MAP2K6: variants seen among roughly 807,000 people sequenced by gnomAD.
MAP2K6 encodes the protein mitogen-activated protein kinase kinase 6.
A neutral mutation model predicts 53.7 loss-of-function variants in MAP2K6; 16 were observed. The ratio of observed to expected loss-of-function variants is 0.30; its 90% confidence interval spans 0.20 to 0.45. The LOEUF (loss-of-function observed/expected upper bound fraction) is 0.45, where lower values mean the gene tolerates loss of function less well. Among genes scored for constraint, MAP2K6 ranks in the 20% least tolerant of loss-of-function variants. The pLI is 1.00. For missense variants in MAP2K6, 204 were observed against 411.9 expected (o/e 0.50, Z 4.37); for synonymous variants, 132 against 143.1 (o/e 0.92, Z 0.55).
chr17:69,478,428 G>A (rs1327932870), intron 1 of MAP2K6, among the ~76,000 whole-genome samples: 1 of 152,118 alleles, frequency 6.6e-6, no homozygotes, highest in Non-Finnish European at 1.5e-5. Context: ...TCTCATTCAT[G>A]TTTTACTTTC....
At chr17:69,509,853 T>C (rs1012254873) in intron 2 of MAP2K6, among the ~76,000 whole-genome samples, 3 of 151,956 alleles carry the variant, frequency 2.0e-5, no homozygotes, top group Non-Finnish European at 4.4e-5. Context: ...TTTGTTTTTG[T>C]TTTTTTGAGA....
chr17:69,454,085 C>T (rs761163534), intron 1 of MAP2K6, among the ~76,000 whole-genome samples: 39 of 152,274 alleles, frequency 2.6e-4, no homozygotes, highest in Non-Finnish European at 4.6e-4. Context: ...TTCAGAAAAA[C>T]GTATTTCCTA....
At chr17:69,507,416 T>G (rs914477429) in intron 2 of MAP2K6, among the ~76,000 whole-genome samples, 12 of 152,116 alleles carry the variant, frequency 7.9e-5, no homozygotes, top group Admixed American at 7.9e-4. Flanking sequence ...ACTATTATAA[T>G]CAAGATACTT....
chr17:69,468,398 C>G (rs552727114), intron 1 of MAP2K6, among the ~76,000 whole-genome samples: 1 of 152,250 alleles, frequency 6.6e-6, no homozygotes, highest in African/African-American at 2.4e-5. Flanking sequence ...GAGCCAATTA[C>G]TCTTTTCAGG....
chr17:69,508,398 T>C (rs1909639075), intron 2 of MAP2K6, among the ~76,000 whole-genome samples: 1 of 152,166 alleles, frequency 6.6e-6, no homozygotes, highest in South Asian at 2.1e-4. Flanking sequence ...ATTTCTCTAG[T>C]GGCTAATAAT....
At chr17:69,525,724 C>G (rs1463854282) in intron 9 of MAP2K6, among the ~76,000 whole-genome samples, 1 of 152,142 alleles carries the variant, frequency 6.6e-6, no homozygotes, top group Non-Finnish European at 1.5e-5. Flanking sequence ...GGAACCACCC[C>G]CATGATTCAA....
In MAP2K6 at chr17:69,493,778, A is replaced by AT. The variant is rs1255926945; in HGVS notation, c.17-12002_17-12001insT. Reference sequence around the variant, plus strand: ...TCCATCTCAAGAAAAAAGAAAAAAAAAAATATATGTATACTCAGCTTCATT... The same window carrying AT: ...TCCATCTCAAGAAAAAAGAAAAAAAATAAATATATGTATACTCAGCTTCATT... On this transcript the variant is annotated intron_variant, in intron 1 of 11. Coordinates refer to ENST00000590474, the MANE Select transcript of MAP2K6 (RefSeq NM_002758.4). Among the ~76,000 whole-genome samples the AT allele has an allele frequency of 6.5e-3, 705 of 108,584 alleles. 6 individuals are homozygous for AT. The highest frequency in any genetic ancestry group is 0.02 in the African/African-American group (675 of 33,768). The allele number at this position is 108,584 out of a possible 152,430, so 71.2% of individuals were successfully genotyped here.
Position 69,415,008 on chromosome 17 carries a change from G to T in MAP2K6, c.16+8G>T, listed in dbSNP as rs1194844313. The T allele has an allele frequency of 6.5e-7, 1 of 1,549,304 alleles. No homozygotes were observed. The highest frequency in any genetic ancestry group is 8.9e-7 in the Non-Finnish European group (1 of 1,121,134). ...AAATGTCTCAGTCGAAAGGTAAGAG[G>T]CTGTTTGCATTAGTTGCAAAAATGC... On this transcript the variant is annotated splice_region_variant and intron_variant, in intron 1 of 11. Coordinates refer to ENST00000590474, the MANE Select transcript of MAP2K6 (RefSeq NM_002758.4).
Position 69,508,675 on chromosome 17 carries a change from A to G in MAP2K6, c.83+2829A>G, listed in dbSNP as rs566778385. ...TTATCAATTATTACTTTTACAGATC[A>G]TGCTTTTGATAATAAGTCTAAGAAC... On this transcript the variant is annotated intron_variant, in intron 2 of 11. Transcript: ENST00000590474. 3.9e-5 allele frequency among the ~76,000 whole-genome samples: 6 copies of G among 152,362 alleles called. No homozygotes were observed. In the South Asian group the frequency reaches 1.0e-3, roughly 26 times the overall value.
rs769245993 is a variant in MAP2K6 at position 69,483,018 on chromosome 17, A to G, written c.17-22762A>G. ...ATGAGGGCTTGGCAGGAGTCAAAGC[A>G]AAAATCAGAGGACATCTCCCATAGA... On this transcript the variant is annotated intron_variant, in intron 1 of 11. Coordinates refer to ENST00000590474, the MANE Select transcript of MAP2K6 (RefSeq NM_002758.4). 5.3e-5 allele frequency among the ~76,000 whole-genome samples: 8 copies of G among 152,128 alleles called. No homozygotes were observed. The Middle Eastern group carries it at 0.02, about 388-fold the overall frequency.
At chr17:69,487,983 C>T (rs1009377971) in intron 1 of MAP2K6, among the ~76,000 whole-genome samples, 2 of 152,162 alleles carry the variant, frequency 1.3e-5, no homozygotes, top group Non-Finnish European at 2.9e-5. Flanking sequence ...TAAAGAGCTT[C>T]TGTATAGCAA....
intron 1 of MAP2K6, among the ~76,000 whole-genome samples, chr17:69,503,395 G>A (rs906900292): frequency 3.3e-4 from 50 of 152,184 alleles, no homozygotes; most frequent in Middle Eastern, 3.2e-3. Context: ...AGCTCTATGC[G>A]ATGTCAATAA....
At chr17:69,447,450 AT>A (rs1050885785) in intron 1 of MAP2K6, among the ~76,000 whole-genome samples, 6 of 151,880 alleles carry the variant, frequency 4.0e-5, no homozygotes, top group African/African-American at 1.5e-4. Context: ...GGTTCAAGTG[AT>A]TCTCCAGCCT....
At chr17:69,455,334 G>A (rs1310115698) in intron 1 of MAP2K6, among the ~76,000 whole-genome samples, 1 of 152,164 alleles carries the variant, frequency 6.6e-6, no homozygotes, top group Non-Finnish European at 1.5e-5. Context: ...CCATGCCCTG[G>A]TGAGGGATGG....
chr17:69,500,793 T>G (rs1265692321), intron 1 of MAP2K6, among the ~76,000 whole-genome samples: 1 of 152,090 alleles, frequency 6.6e-6, no homozygotes, highest in Admixed American at 6.6e-5. Flanking sequence ...TTTCAGCTTT[T>G]CTTCTCTAAA....
chr17:69,520,827 C>G (rs769952390), intron 6 of MAP2K6: 3 of 462,770 alleles, frequency 6.5e-6, no homozygotes, highest in Non-Finnish European at 1.1e-5. Flanking sequence ...ATGAACAAGA[C>G]AGATGAGGGA....
intron 2 of MAP2K6, among the ~76,000 whole-genome samples, chr17:69,510,735 A>C (rs186599350): frequency 2.6e-5 from 4 of 152,102 alleles, no homozygotes; most frequent in Non-Finnish European, 5.9e-5. Flanking sequence ...CACATTTATG[A>C]GAGTAAAATT....
intron 1 of MAP2K6, among the ~76,000 whole-genome samples, chr17:69,474,920 T>A (rs931125607): frequency 1.3e-5 from 2 of 152,188 alleles, no homozygotes; most frequent in Admixed American, 6.5e-5. Flanking sequence ...GCATGTCTAA[T>A]TCACTGAGGA....
At chr17:69,536,240 C>T in intron 11 of MAP2K6, 80 bp downstream of exon 11, 2 of 987,028 alleles carry the variant, frequency 2.0e-6, no homozygotes, top group Non-Finnish European at 3.2e-6. Flanking sequence ...ATTATCATCA[C>T]ATCACCATAT....
Sources: gnomAD v4.1 joint callset for allele counts (sites outside exome capture counted in the v4.1 genomes callset) on GRCh38, gnomAD v4.1.1 for gene constraint, MANE v1.5 for transcripts, NCBI Gene and HGNC (gene_info 2026-07-23, HGNC 2026-07-21) for gene names.